Variants in ANO1 observed in about 807,000 individuals in gnomAD.
ANO1 encodes anoctamin-1.
In ANO1, 59 loss-of-function variants were observed where a neutral mutation model predicts 124.0. The ratio of observed to expected loss-of-function variants is 0.48; its 90% CI spans 0.39 to 0.59. The LOEUF is 0.59. Among genes scored for constraint, ANO1 ranks in the 20% least tolerant of loss-of-function variants. The pLI is 0.00. For missense variants in ANO1, 1,059 were observed against 1,328.0 expected (o/e 0.80, Z 3.15); for synonymous variants, 529 against 532.0 (o/e 0.99, Z 0.08).
intron 23 of ANO1, among the ~76,000 whole-genome samples, chr11:70,181,991 T>C (rs1314269381): frequency 6.7e-6 from 1 of 148,868 alleles, no homozygotes; most frequent in African/African-American, 2.5e-5. Flanking sequence ...GAGGCAGCCG[T>C]TGGGCCTTGG....
the ANO1 span, among the ~76,000 whole-genome samples, chr11:69,968,659 G>A: frequency 1.3e-5 from 2 of 152,180 alleles, no homozygotes; most frequent in African/African-American, 2.4e-5. Context: ...CGGTGGCATC[G>A]CTCTGTCATT....
chr11:69,983,706 G>A (rs1554996548), upstream of ANO1, among the ~76,000 whole-genome samples: 4 of 152,226 alleles, frequency 2.6e-5, no homozygotes, highest in Non-Finnish European at 5.9e-5. Flanking sequence ...TTTTAAAAAT[G>A]AGCTGGTTCA....
At chr11:69,996,445 C>G (rs1447465199) in intron 1 of ANO1, among the ~76,000 whole-genome samples, 1 of 152,224 alleles carries the variant, frequency 6.6e-6, no homozygotes, top group African/African-American at 2.4e-5. Flanking sequence ...ATGATACCCA[C>G]AGAGGCTCTC....
chr11:69,969,179 G>A, the ANO1 span, among the ~76,000 whole-genome samples: 1 of 152,204 alleles, frequency 6.6e-6, no homozygotes, highest in Non-Finnish European at 1.5e-5. Context: ...GTCCCTCATA[G>A]GGGCCGGGGT....
At chr11:70,014,145 T>G (rs1439820375) in intron 1 of ANO1, among the ~76,000 whole-genome samples, 1 of 151,528 alleles carries the variant, frequency 6.6e-6, no homozygotes, top group East Asian at 1.9e-4. Flanking sequence ...CCATTGCGGG[T>G]GAGAGTTTTA....
At chr11:70,066,524 C>A (rs1857723603) in intron 1 of ANO1, among the ~76,000 whole-genome samples, 1 of 152,122 alleles carries the variant, frequency 6.6e-6, no homozygotes, top group African/African-American at 2.4e-5. Flanking sequence ...GATGAGTCAG[C>A]CATGCCCAAC....
chr11:70,074,004 C>A (rs1302963109), upstream of ANO1, among the ~76,000 whole-genome samples: 7 of 152,180 alleles, frequency 4.6e-5, no homozygotes, highest in African/African-American at 1.7e-4. Context: ...GTGGTCCCGT[C>A]TCCCGCCCAC....
At chr11:70,105,655 G>T (rs1368046211) in intron 4 of ANO1, 79 bp from the exon 5 acceptor site, 1 of 1,348,950 alleles carries the variant, frequency 7.4e-7, no homozygotes. Flanking sequence ...GGGACAGTGT[G>T]GTTTCCCAGG....
At chr11:70,094,163 C>T (rs954278443) in intron 2 of ANO1, among the ~76,000 whole-genome samples, 1 of 152,316 alleles carries the variant, frequency 6.6e-6, no homozygotes, top group East Asian at 1.9e-4. Context: ...CAGGGCCTGA[C>T]CCTGCTCCTG....
chr11:70,073,637 G>T (rs1398839715), upstream of ANO1, among the ~76,000 whole-genome samples: 1 of 152,136 alleles, frequency 6.6e-6, no homozygotes, highest in Non-Finnish European at 1.5e-5. Context: ...CAGAGGTGAG[G>T]GATGCCGTCT....
chr11:70,079,203 C>A (rs1351565515), intron 1 of ANO1, among the ~76,000 whole-genome samples: 1 of 152,184 alleles, frequency 6.6e-6, no homozygotes. Context: ...CCCACTGCTT[C>A]ACTATCCTCT....
intron 1 of ANO1, among the ~76,000 whole-genome samples, chr11:70,086,473 G>T (rs1394856466): frequency 3.3e-5 from 5 of 152,204 alleles, no homozygotes; most frequent in African/African-American, 1.2e-4. Context: ...CCCTGTTGGA[G>T]CCCTAACCCC....
At chr11:70,071,129 G>T (rs557143470) in intron 1 of ANO1, among the ~76,000 whole-genome samples, 1 of 152,312 alleles carries the variant, frequency 6.6e-6, no homozygotes, top group Admixed American at 6.5e-5. Context: ...TGTGTGACCA[G>T]CTCTGTCATC....
chr11:70,117,676 T>C (rs1304260213), intron 8 of ANO1, among the ~76,000 whole-genome samples: 1 of 152,180 alleles, frequency 6.6e-6, no homozygotes. Context: ...ACCCTGCATG[T>C]GCAGCCCTTG....
chr11:70,160,633 A>G (rs1317196365), intron 16 of ANO1, among the ~76,000 whole-genome samples: 1 of 152,124 alleles, frequency 6.6e-6, no homozygotes, highest in Non-Finnish European at 1.5e-5. Context: ...CTCCTTTACC[A>G]GGGGAGTCCC....
Position 70,185,643 on chromosome 11 carries a change from A to G in ANO1, c.2642A>G (p.Lys881Arg). ...PWSENKYDIS[K>R]DFWAVLAARL... ...TCGGAAAACAAGTACGACATCTCCA[A>G]GGACTTCTGGGCCGTCCTGGCAGCC... Residue 881 changes from lysine to arginine, a missense_variant, in exon 25 of 26, where the codon AAG becomes AGG. By Grantham distance (26) the Lys-to-Arg change is conservative. Coordinates refer to ENST00000355303, the MANE Select transcript of ANO1 (RefSeq NM_018043.7). 1 of 1,613,840 alleles carries G rather than the reference A, an allele frequency of 6.2e-7. No individual in the cohort carries two copies. The highest frequency in any genetic ancestry group is 8.5e-7 in the Non-Finnish European group (1 of 1,179,828).
At chr11:70,152,517 G>A in intron 13 of ANO1, 56 bp downstream of exon 13, 1 of 1,581,344 alleles carries the variant, frequency 6.3e-7, no homozygotes, top group Non-Finnish European at 8.7e-7. Flanking sequence ...CCTGGGAGAG[G>A]GACCTTCTCT....
At chr11:70,144,726 C>T (rs1175655876) in intron 11 of ANO1, among the ~76,000 whole-genome samples, 2 of 152,222 alleles carry the variant, frequency 1.3e-5, no homozygotes, top group Non-Finnish European at 2.9e-5. Context: ...CTTTGGCCAC[C>T]TCGTAAGGCT....
the ANO1 span, among the ~76,000 whole-genome samples, chr11:69,974,906 A>G: frequency 6.7e-6 from 1 of 149,414 alleles, no homozygotes; most frequent in Non-Finnish European, 1.5e-5. Flanking sequence ...AAAAAAAAAA[A>G]AGAAGAGATT....
Sources: allele counts gnomAD v4.1 joint callset (sites outside exome capture counted in the v4.1 genomes callset), GRCh38; gene constraint gnomAD v4.1.1; transcripts MANE v1.5; gene names NCBI Gene and HGNC (gene_info 2026-07-23, HGNC 2026-07-21).